NCAM2: variants seen among roughly 807,000 people sequenced by gnomAD.
NCAM2 encodes N-CAM-2.
Under a neutral mutation model 98.1 loss-of-function variants are expected in NCAM2, and 30 were observed. The ratio of observed to expected loss-of-function variants is 0.31; its 90% CI spans 0.23 to 0.41. The LOEUF (loss-of-function observed/expected upper bound fraction) is 0.41, where lower values mean the gene tolerates loss of function less well. NCAM2 is among the 10% of genes least tolerant of loss of function. The probability of loss-of-function intolerance (pLI) is 1.00; values close to 1 mark genes in which losing one functional copy is unlikely to be tolerated. For missense variants in NCAM2, 867 were observed against 1,005.8 expected (o/e 0.86, Z 1.87); for synonymous variants, 368 against 342.4 (o/e 1.07, Z -0.83).
chr21:21,202,287 G>A (rs1227953752), intron 1 of NCAM2, among the ~76,000 whole-genome samples: 2 of 151,894 alleles, frequency 1.3e-5, no homozygotes, highest in African/African-American at 4.8e-5. Flanking sequence ...GATTAAATAG[G>A]CCAAGAAATG....
At chr21:21,332,002 A>G (rs528308071) in intron 6 of NCAM2, among the ~76,000 whole-genome samples, 1 of 152,042 alleles carries the variant, frequency 6.6e-6, no homozygotes, top group East Asian at 1.9e-4. Context: ...TCCCAGATTC[A>G]AGTGATTCTC....
At chr21:21,172,840 A>G (rs1180726025) in intron 1 of NCAM2, among the ~76,000 whole-genome samples, 1 of 152,128 alleles carries the variant, frequency 6.6e-6, no homozygotes, top group Non-Finnish European at 1.5e-5. Flanking sequence ...CTTCACATAT[A>G]CTTCTCAACT....
At chr21:21,286,634 G>A (rs1341276578) in intron 4 of NCAM2, among the ~76,000 whole-genome samples, 1 of 151,718 alleles carries the variant, frequency 6.6e-6, no homozygotes, top group African/African-American at 2.4e-5. Flanking sequence ...ACACAGTTAT[G>A]CCCGTTCACC....
At chr21:21,279,087 G>A (rs1473003330) in intron 1 of NCAM2, among the ~76,000 whole-genome samples, 1 of 152,098 alleles carries the variant, frequency 6.6e-6, no homozygotes, top group Non-Finnish European at 1.5e-5. Context: ...AATGGTTTTT[G>A]TGATTGCTTT....
At chr21:21,174,294 G>T (rs571375668) in intron 1 of NCAM2, among the ~76,000 whole-genome samples, 8 of 152,154 alleles carry the variant, frequency 5.3e-5, no homozygotes, top group African/African-American at 1.4e-4. Context: ...AGGAGTACTA[G>T]ATTTAACAAA....
chr21:21,032,310 G>C (rs567802012), intron 1 of NCAM2, among the ~76,000 whole-genome samples: 1 of 152,108 alleles, frequency 6.6e-6, no homozygotes. Context: ...AAATTAAATT[G>C]TAAGTTATGT....
At chr21:21,057,782 C>G (rs1394152732) in intron 1 of NCAM2, among the ~76,000 whole-genome samples, 1 of 152,128 alleles carries the variant, frequency 6.6e-6, no homozygotes, top group Non-Finnish European at 1.5e-5. Flanking sequence ...GGGATATCAT[C>G]TACCTGTGCT....
At chr21:21,044,490 G>T (rs1274356688) in intron 1 of NCAM2, among the ~76,000 whole-genome samples, 1 of 152,042 alleles carries the variant, frequency 6.6e-6, no homozygotes, top group Admixed American at 6.6e-5. Flanking sequence ...AATTCAGAAT[G>T]CTAATTAAAT....
In NCAM2 at chr21:21,149,495, C is replaced by T. The variant is rs966734970; in HGVS notation, c.56-131083C>T. On this transcript the variant is annotated intron_variant, in intron 1 of 17. Coordinates refer to ENST00000400546, the MANE Select transcript of NCAM2 (RefSeq NM_004540.5). ...ACATGTGCCTTGGTGGTTTGCTGCA[C>T]GTATCAACCCATCATCTAGGTTTTA... Among the ~76,000 whole-genome samples, 96 of 152,110 alleles carry T rather than the reference C, an allele frequency of 6.3e-4. 1 individual carries two copies. The highest frequency in any genetic ancestry group is 6.2e-3 in the Admixed American group (94 of 15,276).
chr21:21,461,912 G>T (rs922268824), intron 12 of NCAM2, among the ~76,000 whole-genome samples: 1 of 151,892 alleles, frequency 6.6e-6, no homozygotes, highest in African/African-American at 2.4e-5. Flanking sequence ...TGTGGAGCTG[G>T]CATCAAAGTA....
chr21:21,020,440 A>G (rs1295927226), intron 1 of NCAM2, among the ~76,000 whole-genome samples: 4 of 151,950 alleles, frequency 2.6e-5, no homozygotes. Flanking sequence ...GTGGAAGCTT[A>G]TTGTTGTTAT....
chr21:21,329,711 T>C (rs186514060), intron 6 of NCAM2, among the ~76,000 whole-genome samples: 223 of 152,300 alleles, frequency 1.5e-3, no homozygotes, highest in African/African-American at 5.2e-3. Flanking sequence ...CCTCTTCTGT[T>C]TTCCAATATA....
intron 12 of NCAM2, among the ~76,000 whole-genome samples, chr21:21,460,516 G>C (rs1254552682): frequency 6.6e-6 from 1 of 151,930 alleles, no homozygotes; most frequent in East Asian, 1.9e-4. Context: ...TCAATGTTCA[G>C]CAACAAGAGC....
In NCAM2 at chr21:21,354,283, G is replaced by T. The variant is rs117606811; in HGVS notation, c.1044+15749G>T. On this transcript the variant is annotated intron_variant, in intron 8 of 17. Coordinates refer to ENST00000400546, the MANE Select transcript of NCAM2 (RefSeq NM_004540.5). ...ATTGAATAAGTATCTGAAATGTACAGCAATAAATTATAACTATCTTAAGGC... is the reference window on the plus strand; with the variant it reads ...ATTGAATAAGTATCTGAAATGTACATCAATAAATTATAACTATCTTAAGGC... Among the ~76,000 whole-genome samples, 1,134 of 152,166 alleles carry T rather than the reference G, an allele frequency of 7.5e-3. 4 individuals carry two copies. Among genetic ancestry groups the T allele is most frequent in the Non-Finnish European group, 0.012 (847 of 67,980 alleles).
At chr21:21,273,314 A>G (rs192346276) in intron 1 of NCAM2, among the ~76,000 whole-genome samples, 77 of 152,326 alleles carry the variant, frequency 5.1e-4, no homozygotes, top group African/African-American at 1.7e-3. Context: ...AGGAAGATAG[A>G]TAGAACACCA....
chr21:21,311,247 A>G (rs952002365), intron 5 of NCAM2, among the ~76,000 whole-genome samples: 1 of 151,842 alleles, frequency 6.6e-6, no homozygotes, highest in Non-Finnish European at 1.5e-5. Context: ...TTGTTGGCCT[A>G]GTGTTTGGGA....
chr21:21,327,378 C>T (rs1367526413), intron 6 of NCAM2, among the ~76,000 whole-genome samples: 1 of 150,444 alleles, frequency 6.6e-6, no homozygotes, highest in African/African-American at 2.5e-5. Flanking sequence ...ATCAAGATAC[C>T]AGCAGGGTGG....
At chr21:21,098,556 C>T (rs1000574557) in intron 1 of NCAM2, among the ~76,000 whole-genome samples, 1 of 151,698 alleles carries the variant, frequency 6.6e-6, no homozygotes, top group East Asian at 1.9e-4. Flanking sequence ...TCATGCATAT[C>T]ATATTTAGTG....
intron 8 of NCAM2, among the ~76,000 whole-genome samples, chr21:21,372,246 T>G (rs1450333544): frequency 6.6e-6 from 1 of 151,788 alleles, no homozygotes; most frequent in Non-Finnish European, 1.5e-5. Flanking sequence ...CAATAAACTC[T>G]AAAAATAACC....
Sources: allele counts gnomAD v4.1 joint callset (sites outside exome capture counted in the v4.1 genomes callset), GRCh38; gene constraint gnomAD v4.1.1; transcripts MANE v1.5; gene names NCBI Gene and HGNC (gene_info 2026-07-23, HGNC 2026-07-21).